Variants in TCAF1 observed in about 807,000 individuals in gnomAD.
TCAF1 encodes TRPM8 channel-associated factor 1.
In TCAF1, 4 loss-of-function variants were observed where a neutral mutation model predicts 27.3. The observed-to-expected ratio is 0.15, with a 90% CI of 0.07 to 0.34. TCAF1 has a LOEUF of 0.34. Ranked by LOEUF, TCAF1 falls within the 10% of genes least tolerant of loss-of-function variation. The pLI is 1.00. For missense variants in TCAF1, 257 were observed against 425.8 expected, an observed-to-expected ratio of 0.60 and a Z score of 3.49; for synonymous variants, 105 against 167.1, an observed-to-expected ratio of 0.63 and a Z score of 2.87.
rs770029380 is a variant in TCAF1 at position 143,876,388 on chromosome 7, G to A, written c.221C>T (p.Thr74Met). 27 of 1,614,032 alleles carry A rather than the reference G, an allele frequency of 1.7e-5. No homozygotes were observed. The highest frequency in any genetic ancestry group is 1.7e-4 in the Middle Eastern group (1 of 6,060). Residue 74 changes from threonine (T) to methionine (M), a missense_variant, in exon 2 of 9, where the codon ACG becomes ATG. Coordinates refer to ENST00000479870, the MANE Select transcript of TCAF1 (RefSeq NM_014719.3). ...CCCCACTGCGTTCAGGAGAAAGGGC[G>A]TGAGCTGGGCTTCCACCAAGTAGTC... Reference protein sequence around the residue: ...HEDYLVEAQLTPFLLNAVGWL... With the variant: ...HEDYLVEAQLMPFLLNAVGWL...
At chr7:143,882,312 C>G (rs1035536217) in intron 1 of TCAF1, among the ~76,000 whole-genome samples, 5 of 152,098 alleles carry the variant, frequency 3.3e-5, no homozygotes, top group Admixed American at 1.3e-4. Flanking sequence ...GGCAGTAGGA[C>G]AGTAGGCCAC....
chr7:143,898,705 T>C (rs1159384559), intron 1 of TCAF1, among the ~76,000 whole-genome samples: 3 of 152,148 alleles, frequency 2.0e-5, no homozygotes, highest in Admixed American at 1.3e-4. Context: ...ACCATGTTCA[T>C]TGAGGAAAAG....
At chr7:143,895,857 A>G (rs901796125) in intron 1 of TCAF1, among the ~76,000 whole-genome samples, 2 of 150,880 alleles carry the variant, frequency 1.3e-5, no homozygotes, top group African/African-American at 4.8e-5. Context: ...TTATAAAATT[A>G]AAACATCAGA....
intron 1 of TCAF1, among the ~76,000 whole-genome samples, chr7:143,891,948 C>T (rs1235923202): frequency 2.0e-5 from 3 of 151,954 alleles, no homozygotes; most frequent in Non-Finnish European, 4.4e-5. Context: ...AAAATAAGAA[C>T]ACAACAGAAT....
intron 1 of TCAF1, among the ~76,000 whole-genome samples, chr7:143,884,687 G>A (rs2116827535): frequency 6.8e-6 from 1 of 148,090 alleles, no homozygotes; most frequent in Admixed American, 6.7e-5. Context: ...TACCTCTCAG[G>A]ATGGGGGCAT....
intron 1 of TCAF1, chr7:143,885,674 A>AAG: frequency 2.3e-6 from 1 of 437,462 alleles, no homozygotes; most frequent in Non-Finnish European, 3.0e-6. Context: ...CTACTTATAT[A>AAG]TTGCCTCTAT....
rs1315136479 is a variant in TCAF1, at chr7:143,876,491, T to C, written c.118A>G (p.Met40Val). The change falls in exon 2 of 9, where the codon ATG (methionine) becomes GTG (valine). Residue 40 changes from methionine to valine, a missense_variant. This residue lies in a region of TCAF1 where 255 missense variants were observed against 260.1 expected (regional missense o/e 0.98). Transcript: ENST00000479870. ...LLIGEASFPV[M>V]VNDMGQVLIA... ...AGGACCTGGCCCATGTCATTCACCA[T>C]CACAGGAAATGAAGCCTCTCCAATA... The C allele has an allele frequency of 6.3e-7, 1 of 1,590,834 alleles. No individual in the cohort carries two copies. Among genetic ancestry groups the C allele is most frequent in the Non-Finnish European group, 8.5e-7 (1 of 1,171,034 alleles).
intron 1 of TCAF1, among the ~76,000 whole-genome samples, chr7:143,883,408 G>A (rs1813189909): frequency 6.7e-6 from 1 of 148,938 alleles, no homozygotes; most frequent in African/African-American, 2.5e-5. Flanking sequence ...TCTTACTTTT[G>A]TAAATTAAAA....
chr7:143,898,479 T>C (rs549977895), intron 1 of TCAF1, among the ~76,000 whole-genome samples: 3 of 152,170 alleles, frequency 2.0e-5, no homozygotes, highest in Non-Finnish European at 2.9e-5. Flanking sequence ...GAATTATTAA[T>C]TTTCTCAAGT....
At chr7:143,897,219 C>G (rs866289214) in intron 1 of TCAF1, among the ~76,000 whole-genome samples, 1 of 138,424 alleles carries the variant, frequency 7.2e-6, no homozygotes, top group Non-Finnish European at 1.5e-5. Flanking sequence ...CAGGTTTGAA[C>G]CGCGTTGGTC....
intron 1 of TCAF1, among the ~76,000 whole-genome samples, chr7:143,889,366 G>C (rs1333146247): frequency 6.6e-6 from 1 of 152,032 alleles, no homozygotes; most frequent in Non-Finnish European, 1.5e-5. Flanking sequence ...TATCTGTAGT[G>C]AATTAAAGAA....
chr7:143,886,700 CTTTTTTTTT>C (rs11398264), intron 1 of TCAF1, among the ~76,000 whole-genome samples: 5 of 89,164 alleles, frequency 5.6e-5, no homozygotes, highest in Admixed American at 2.5e-4. Context: ...CAAATTTTAC[CTTTTTTTTT>C]TTTTTTTTTT....
At chr7:143,887,673 C>T (rs948579619) in intron 1 of TCAF1, among the ~76,000 whole-genome samples, 1 of 152,132 alleles carries the variant, frequency 6.6e-6, no homozygotes, top group Non-Finnish European at 1.5e-5. Context: ...GCTTTCTCAG[C>T]TCTAATCCAC....
At chr7:143,875,958 A>G in intron 2 of TCAF1, 31 bp downstream of exon 2, 1 of 1,515,328 alleles carries the variant, frequency 6.6e-7, no homozygotes, top group Non-Finnish European at 8.8e-7. Context: ...TCAACCCTGG[A>G]GCCAACTCCC....
At chr7:143,875,549 T>C (rs546933727) in intron 2 of TCAF1, among the ~76,000 whole-genome samples, 20 of 152,214 alleles carry the variant, frequency 1.3e-4, no homozygotes, top group African/African-American at 1.9e-4. Flanking sequence ...CTACTTCCTA[T>C]TGCATCCTAA....
At position 143,876,637 on chromosome 7, in the gene TCAF1, G is replaced by A; in HGVS notation, c.-14-15C>T. On this transcript the variant is annotated splice_polypyrimidine_tract_variant and intron_variant, in intron 1 of 8. Coordinates refer to ENST00000479870, the MANE Select transcript of TCAF1 (RefSeq NM_014719.3). Reference sequence around the variant, plus strand: ...TCTATTGGTTTCTGCAGAGAAGAAAGCAAAGGCTCAGCTTAGCGAAGAATG... The same window carrying A: ...TCTATTGGTTTCTGCAGAGAAGAAAACAAAGGCTCAGCTTAGCGAAGAATG... 1 of 1,475,778 alleles carries A rather than the reference G, an allele frequency of 6.8e-7. No homozygotes were observed. The highest frequency in any genetic ancestry group is 9.0e-7 in the Non-Finnish European group (1 of 1,112,822). 91.4% of individuals were successfully genotyped at this position (1,475,778 alleles called of 1,614,324 possible). A position where few individuals can be genotyped will look rare whatever the true frequency, so the allele number is the denominator to read the frequency against.
chr7:143,885,265 G>C (rs1813336723), intron 1 of TCAF1: 2 of 985,452 alleles, frequency 2.0e-6, no homozygotes, highest in Non-Finnish European at 1.2e-6. Flanking sequence ...GTCTTCCACA[G>C]AGATGTGGGA....
At position 143,876,102 on chromosome 7, in the gene TCAF1, C is replaced by T. The variant is rs779164638; in HGVS notation, c.507G>A (p.Thr169=). The T allele has an allele frequency of 1.4e-5, 23 of 1,613,958 alleles. No individual in the cohort carries two copies. Among genetic ancestry groups the T allele is most frequent in the Middle Eastern group, 1.6e-4 (1 of 6,084 alleles). The change falls in exon 2 of 9, where the codon ACG becomes ACA. Residue 169 remains threonine, a synonymous_variant. Transcript: ENST00000479870. The stretch of plus-strand genomic sequence containing the variant: ...CACTGGTCACGAGGTTCCCAGGGAA[C>T]GTGAACAGAACCCTTTCATCCTCCC... The part of the protein sequence containing the change: ...NQGEDERVLF[T]FPGNLVTSVA...
chr7:143,871,322 T>C (rs1812452544), intron 2 of TCAF1, among the ~76,000 whole-genome samples: 1 of 145,140 alleles, frequency 6.9e-6, no homozygotes, highest in Admixed American at 7.1e-5. Flanking sequence ...AGGCTTTAAC[T>C]TGCCAAATTT....
Sources: allele counts gnomAD v4.1 joint callset (sites outside exome capture counted in the v4.1 genomes callset), GRCh38; gene constraint gnomAD v4.1.1; regional missense constraint gnomAD v4.1.1; transcripts MANE v1.5; gene names NCBI Gene and HGNC (gene_info 2026-07-23, HGNC 2026-07-21).